Variants in XPO4 observed in about 807,000 individuals in gnomAD.
The protein encoded by XPO4 is exportin-4.
A neutral mutation model predicts 143.0 loss-of-function variants in XPO4; 39 were observed. That is an observed-to-expected ratio of 0.27 (90% CI 0.21 to 0.36). The LOEUF is 0.36. Ranked by LOEUF, XPO4 falls within the 10% of genes least tolerant of loss-of-function variation. XPO4 has a pLI of 1.00. For missense variants in XPO4, 907 were observed against 1,348.0 expected (o/e 0.67, Z 5.12); for synonymous variants, 439 against 474.0 (o/e 0.93, Z 0.96).
intron 14 of XPO4, 111 bp from the exon 15 acceptor site, chr13:20,800,436 T>C (rs1189115963): frequency 3.0e-6 from 3 of 1,012,264 alleles, no homozygotes; most frequent in Non-Finnish European, 4.3e-6. Context: ...TAGTGCTTAC[T>C]TCACATCAAC....
chr13:20,876,529 T>C (rs1377721488), intron 1 of XPO4, among the ~76,000 whole-genome samples: 1 of 152,094 alleles, frequency 6.6e-6, no homozygotes, highest in Non-Finnish European at 1.5e-5. Context: ...TTGTACATAA[T>C]AATAAATTCC....
intron 15 of XPO4, 80 bp from the exon 16 acceptor site, chr13:20,799,419 C>A: frequency 1.1e-5 from 13 of 1,228,268 alleles, no homozygotes; most frequent in East Asian, 2.5e-5. Flanking sequence ...ACAAAGAAAA[C>A]AAAAATAAAA....
At chr13:20,822,323 ATTC>A in intron 7 of XPO4, 34 bp from the exon 8 acceptor site, 3 of 1,583,272 alleles carry the variant, frequency 1.9e-6, no homozygotes, top group South Asian at 1.2e-5. Flanking sequence ...ATAAATATAA[ATTC>A]TTCCTTTGTA....
intron 18 of XPO4, among the ~76,000 whole-genome samples, chr13:20,794,290 A>C (rs1457472222): frequency 6.6e-6 from 1 of 152,344 alleles, no homozygotes; most frequent in East Asian, 1.9e-4. Context: ...TTCTAGAGTT[A>C]GTAGGTCTGC....
Position 20,779,782 on chromosome 13 carries a change from T to A in XPO4, c.*3940A>T, listed in dbSNP as rs2059120848. Reference sequence around the variant, plus strand: ...GAACCAAACATATTCTTTGGTTAACTATGTCATGGGTTCTCACTATAATCA... The same window carrying A: ...GAACCAAACATATTCTTTGGTTAACAATGTCATGGGTTCTCACTATAATCA... On this transcript the variant is annotated 3_prime_UTR_variant, in exon 23 of 23. Coordinates refer to ENST00000255305, the MANE Select transcript of XPO4 (RefSeq NM_022459.5). 1 of 152,686 alleles carries A rather than the reference T, an allele frequency of 6.5e-6. No individual in the cohort carries two copies. The highest frequency in any genetic ancestry group is 6.5e-5 in the Admixed American group (1 of 15,284). 9.5% of individuals were successfully genotyped at this position (152,686 alleles called of 1,614,324 possible). A position where few individuals can be genotyped will look rare whatever the true frequency, so the allele number is the denominator to read the frequency against.
intron 1 of XPO4, among the ~76,000 whole-genome samples, chr13:20,876,880 C>T (rs751941736): frequency 1.1e-4 from 17 of 152,148 alleles, no homozygotes; most frequent in Non-Finnish European, 1.9e-4. Flanking sequence ...ACTTCCACAT[C>T]GTGTAAGGGG....
At chr13:20,900,277 G>A (rs891739078) in intron 1 of XPO4, among the ~76,000 whole-genome samples, 9 of 151,944 alleles carry the variant, frequency 5.9e-5, no homozygotes, top group East Asian at 1.9e-4. Flanking sequence ...CCAGCTACTC[G>A]GGAGGCTGAG....
chr13:20,882,104 G>A (rs1171571116), intron 1 of XPO4, among the ~76,000 whole-genome samples: 17 of 95,822 alleles, frequency 1.8e-4, no homozygotes, highest in Non-Finnish European at 3.0e-4. Context: ...AGTAAGACTC[G>A]GTCTCAAAAA....
chr13:20,885,758 G>A (rs1451937589), intron 1 of XPO4, among the ~76,000 whole-genome samples: 6 of 152,000 alleles, frequency 3.9e-5, no homozygotes, highest in Non-Finnish European at 4.4e-5. Flanking sequence ...GGTTAATGAA[G>A]CAAGCCTTTG....
chr13:20,877,556 TAAAACAGA>T (rs961651419), intron 1 of XPO4, among the ~76,000 whole-genome samples: 1 of 152,120 alleles, frequency 6.6e-6, no homozygotes, highest in African/African-American at 2.4e-5. Flanking sequence ...CTAAGAATAG[TAAAACAGA>T]AAAACAGAAG....
intron 2 of XPO4, chr13:20,865,619 G>C (rs2060238386): frequency 2.1e-6 from 2 of 954,676 alleles, no homozygotes; most frequent in Non-Finnish European, 2.5e-6. Flanking sequence ...AAACTAAACA[G>C]AAACATGAAG....
chr13:20,821,715 A>G lies in XPO4; in HGVS notation c.1162T>C (p.Leu388=), dbSNP rs1390237414. Residue 388 remains leucine, a synonymous_variant, in exon 9 of 23, where the codon TTG becomes CTG. Coordinates refer to ENST00000255305, the MANE Select transcript of XPO4 (RefSeq NM_022459.5). The part of the protein sequence containing the change: ...LTCSFGRSAA[L]EEVLDKDDMV... ...GAATAGTCACTCACCACTTCTTCCA[A>G]TGCAGCACTTCGCCCAAAAGAACAA... The G allele has an allele frequency of 3.1e-6, 5 of 1,613,142 alleles. No individual in the cohort carries two copies. Among genetic ancestry groups the G allele is most frequent in the Non-Finnish European group, 4.2e-6 (5 of 1,179,580 alleles).
chr13:20,797,726 C>A (rs2059376661), intron 16 of XPO4, among the ~76,000 whole-genome samples: 1 of 152,206 alleles, frequency 6.6e-6, no homozygotes, highest in Admixed American at 6.5e-5. Context: ...GCAACCTACA[C>A]ACACTGGCAA....
chr13:20,840,476 G>A (rs1298864604), intron 6 of XPO4, among the ~76,000 whole-genome samples: 1 of 152,062 alleles, frequency 6.6e-6, no homozygotes, highest in East Asian at 1.9e-4. Context: ...CCAAAGTTCT[G>A]GGATTACAAG....
At chr13:20,819,103 G>A (rs908968358) in intron 9 of XPO4, among the ~76,000 whole-genome samples, 4 of 152,130 alleles carry the variant, frequency 2.6e-5, no homozygotes, top group Non-Finnish European at 4.4e-5. Flanking sequence ...GATTACAGGC[G>A]TGAGCCACTG....
rs1002173432 is a variant in XPO4 at position 20,902,308 on chromosome 13, A to G, written c.69+362T>C. 5 of 985,072 alleles carry G rather than the reference A, an allele frequency of 5.1e-6. No individual in the cohort carries two copies. In the African/African-American group the frequency reaches 7.0e-5, roughly 14 times the overall value. 61.0% of individuals were successfully genotyped at this position (985,072 alleles called of 1,614,324 possible). A position where few individuals can be genotyped will look rare whatever the true frequency, so the allele number is the denominator to read the frequency against. ...CCAAGAGCGCTCACACAGCCCTACA[A>G]ATTTCCCCTACCGAAGCCCTGCGGG... On this transcript the variant is annotated intron_variant, in intron 1 of 22. Coordinates refer to ENST00000255305, the MANE Select transcript of XPO4 (RefSeq NM_022459.5).
chr13:20,842,027 GC>G (rs2059980149), intron 6 of XPO4, among the ~76,000 whole-genome samples: 1 of 152,034 alleles, frequency 6.6e-6, no homozygotes, highest in Non-Finnish European at 1.5e-5. Context: ...ATTCACGGAG[GC>G]TATTAAGAGC....
intron 9 of XPO4, 22 bp downstream of exon 9, chr13:20,821,682 T>C (rs1179027898): frequency 1.3e-6 from 2 of 1,586,338 alleles, no homozygotes; most frequent in African/African-American, 2.7e-5. Flanking sequence ...CTGACACAAT[T>C]TACTTTAGAA....
rs1236349752 is a variant in XPO4 at position 20,782,775 on chromosome 13, C to T, written c.*947G>A. 1 of 152,590 alleles carries T rather than the reference C, an allele frequency of 6.6e-6. No individual in the cohort carries two copies. Among genetic ancestry groups the T allele is most frequent in the Non-Finnish European group, 1.5e-5 (1 of 68,036 alleles). 9.5% of individuals were successfully genotyped at this position (152,590 alleles called of 1,614,324 possible). ...CTAAACCAACTCTGAAGCATCAAGA[C>T]GTGGTTTCTTACTAAAACAAATCAG... On this transcript the variant is annotated 3_prime_UTR_variant, in exon 23 of 23. Transcript: ENST00000255305.
Sources: gnomAD v4.1 joint callset for allele counts (sites outside exome capture counted in the v4.1 genomes callset) on GRCh38, gnomAD v4.1.1 for gene constraint, MANE v1.5 for transcripts, NCBI Gene and HGNC (gene_info 2026-07-23, HGNC 2026-07-21) for gene names.